Variants in PDE1C observed in about 807,000 individuals in gnomAD.
PDE1C encodes dual specificity calcium/calmodulin-dependent 3',5'-cyclic nucleotide phosphodiesterase 1C.
PDE1C carries 62 observed loss-of-function variants against 93.1 expected under a neutral mutation model. The observed-to-expected ratio is 0.67, with a 90% CI of 0.54 to 0.82. The LOEUF (loss-of-function observed/expected upper bound fraction) is 0.82, where lower values mean the gene tolerates loss of function less well. Among genes scored for constraint, PDE1C ranks in the 40% least tolerant of loss-of-function variants. The pLI is 0.00. For missense variants in PDE1C, 742 were observed against 884.6 expected (o/e 0.84, Z 2.04); for synonymous variants, 325 against 310.1 (o/e 1.05, Z -0.50).
chr7:31,926,201 T>C (rs1267055254), intron 2 of PDE1C, among the ~76,000 whole-genome samples: 1 of 151,778 alleles, frequency 6.6e-6, no homozygotes, highest in African/African-American at 2.4e-5. Flanking sequence ...TTTTCAACTG[T>C]GTGTCCTGAA....
At chr7:31,781,419 GGCC>G (rs386711835) in intron 16 of PDE1C, among the ~76,000 whole-genome samples, 106,228 of 151,434 alleles carry the variant, frequency 0.7, 41,101 homozygotes, top group Non-Finnish European at 0.88. Context: ...TCAACTTATT[GGCC>G]ATTTTCAATT....
intron 1 of PDE1C, among the ~76,000 whole-genome samples, chr7:32,324,396 G>A (rs1562674310): frequency 6.6e-6 from 1 of 152,142 alleles, no homozygotes; most frequent in East Asian, 1.9e-4. Flanking sequence ...CCAGTCGGAG[G>A]ACCCCACTTA....
At chr7:32,373,704 C>G (rs190038689) in intron 1 of PDE1C, among the ~76,000 whole-genome samples, 2 of 152,246 alleles carry the variant, frequency 1.3e-5, no homozygotes, top group South Asian at 2.1e-4. Flanking sequence ...AAAGTGAGAC[C>G]TGTCTGGGCA....
At chr7:32,082,605 G>A (rs952390995) in intron 3 of PDE1C, among the ~76,000 whole-genome samples, 8 of 152,232 alleles carry the variant, frequency 5.3e-5, no homozygotes, top group African/African-American at 1.7e-4. Context: ...GCACCCCCCA[G>A]TAGGGGCAGA....
intron 1 of PDE1C, among the ~76,000 whole-genome samples, chr7:32,399,039 T>A (rs1450867): frequency 0.041 from 6,258 of 152,180 alleles, 309 homozygotes; most frequent in African/African-American, 0.12. Context: ...ATTTGTGGTG[T>A]TTTCCACGGT....
chr7:31,818,193 A>C (rs1788504072), intron 14 of PDE1C, among the ~76,000 whole-genome samples: 1 of 152,244 alleles, frequency 6.6e-6, no homozygotes, highest in African/African-American at 2.4e-5. Context: ...AGGTGAGGAA[A>C]GATTTCTTTA....
chr7:31,720,504 G>A, the PDE1C span, among the ~76,000 whole-genome samples: 1 of 152,172 alleles, frequency 6.6e-6, no homozygotes, highest in Non-Finnish European at 1.5e-5. Flanking sequence ...TAATATTCAA[G>A]TTTGCAGTCT....
chr7:31,937,644 C>T (rs895761495), intron 2 of PDE1C, among the ~76,000 whole-genome samples: 1 of 152,132 alleles, frequency 6.6e-6, no homozygotes, highest in African/African-American at 2.4e-5. Context: ...AATGAGAAAA[C>T]AAGTCACATC....
At chr7:31,779,468 C>T (rs1240423533) in intron 16 of PDE1C, among the ~76,000 whole-genome samples, 6 of 152,174 alleles carry the variant, frequency 3.9e-5, no homozygotes, top group African/African-American at 1.2e-4. Flanking sequence ...TTTTCATCCC[C>T]TTGGTGTCTT....
At chr7:32,029,940 T>C (rs561572454) in intron 2 of PDE1C, among the ~76,000 whole-genome samples, 2 of 152,224 alleles carry the variant, frequency 1.3e-5, no homozygotes, top group African/African-American at 4.8e-5. Context: ...TGCCTATCAT[T>C]AAGAGAACAT....
chr7:31,958,069 A>T (rs1356375978), intron 2 of PDE1C, among the ~76,000 whole-genome samples: 1 of 152,242 alleles, frequency 6.6e-6, no homozygotes, highest in Non-Finnish European at 1.5e-5. Context: ...CTTCTGGCTT[A>T]AAAATTATTT....
intron 1 of PDE1C, among the ~76,000 whole-genome samples, chr7:32,263,356 T>G (rs892480177): frequency 3.9e-5 from 6 of 152,144 alleles, no homozygotes; most frequent in Non-Finnish European, 5.9e-5. Flanking sequence ...TGCGGGTGTG[T>G]GTGTGTGTCT....
intron 2 of PDE1C, among the ~76,000 whole-genome samples, chr7:31,956,667 CA>C (rs150570962): frequency 0.023 from 3,345 of 144,682 alleles, 45 homozygotes; most frequent in Non-Finnish European, 0.034. Context: ...ACAACAAAAA[CA>C]AAAAAAAAAC....
At chr7:32,281,055 A>G (rs1260153072) in intron 1 of PDE1C, among the ~76,000 whole-genome samples, 4 of 152,220 alleles carry the variant, frequency 2.6e-5, no homozygotes, top group African/African-American at 7.2e-5. Context: ...TAACATTAGT[A>G]TTATTAAATT....
In PDE1C at chr7:31,753,019, G is replaced by C. The variant is rs993262083; in HGVS notation, c.*365C>G. The stretch of plus-strand genomic sequence containing the variant: ...TGATTATTAAACCAATATTCTTTTG[G>C]GGGCAACTAACTTTTAGAGATTGAA... On this transcript the variant is annotated 3_prime_UTR_variant, in exon 18 of 18. Transcript: ENST00000396191. 2 of 156,774 alleles carry C rather than the reference G, an allele frequency of 1.3e-5. No individual in the cohort carries two copies. The highest frequency in any genetic ancestry group is 3.7e-4 in the East Asian group (2 of 5,402). The allele number at this position is 156,774 out of a possible 1,614,324, so 9.7% of individuals were successfully genotyped here. A position where few individuals can be genotyped will look rare whatever the true frequency, so the allele number is the denominator to read the frequency against.
At chr7:31,906,195 A>G (rs1800567496) in intron 2 of PDE1C, among the ~76,000 whole-genome samples, 3 of 152,176 alleles carry the variant, frequency 2.0e-5, no homozygotes, top group Admixed American at 6.5e-5. Flanking sequence ...TTTATGTTAA[A>G]CATTCTCAAG....
intron 1 of PDE1C, among the ~76,000 whole-genome samples, chr7:32,059,110 T>C (rs546425094): frequency 3.3e-5 from 5 of 152,324 alleles, no homozygotes; most frequent in African/African-American, 9.6e-5. Context: ...CATTGAATTA[T>C]CTTAGAAAAG....
chr7:32,085,981 A>G (rs1429916060), intron 3 of PDE1C, among the ~76,000 whole-genome samples: 1 of 151,712 alleles, frequency 6.6e-6, no homozygotes, highest in African/African-American at 2.4e-5. Flanking sequence ...CCTATTCAAC[A>G]TAGTGCTGGA....
chr7:31,729,928 G>C, the PDE1C span, among the ~76,000 whole-genome samples: 1 of 152,176 alleles, frequency 6.6e-6, no homozygotes, highest in Non-Finnish European at 1.5e-5. Context: ...TGGTATAACA[G>C]GGAACTTTGG....
Sources: allele counts gnomAD v4.1 joint callset (sites outside exome capture counted in the v4.1 genomes callset), GRCh38; gene constraint gnomAD v4.1.1; transcripts MANE v1.5; gene names NCBI Gene and HGNC (gene_info 2026-07-23, HGNC 2026-07-21).